Variants in MKLN1 observed in about 807,000 individuals in gnomAD.
The protein encoded by MKLN1 is muskelin 1, also known as muskelin.
A neutral mutation model predicts 99.0 loss-of-function variants in MKLN1; 18 were observed. The observed-to-expected ratio is 0.18, with a 90% CI of 0.13 to 0.27. The LOEUF is 0.27. Ranked by LOEUF, MKLN1 falls within the 10% of genes least tolerant of loss-of-function variation. The probability of loss-of-function intolerance (pLI) is 1.00; values close to 1 mark genes in which losing one functional copy is unlikely to be tolerated. For missense variants in MKLN1, 621 were observed against 875.9 expected, an observed-to-expected ratio of 0.71 and a Z score of 3.67; for synonymous variants, 288 against 293.2, an observed-to-expected ratio of 0.98 and a Z score of 0.18.
At chr7:131,178,713 C>T (rs901388034) in intron 2 of MKLN1, among the ~76,000 whole-genome samples, 1 of 152,124 alleles carries the variant, frequency 6.6e-6, no homozygotes, top group African/African-American at 2.4e-5. Context: ...TGGCAATCAG[C>T]TTTCTCAGGT....
chr7:131,399,109 G>T (rs1009852391), intron 5 of MKLN1, 132 bp from the exon 6 acceptor site: 9 of 738,438 alleles, frequency 1.2e-5, no homozygotes, highest in Non-Finnish European at 2.0e-5. Context: ...AATGAATCAG[G>T]TTAGTAAACT....
chr7:131,237,341 A>C (rs541967537), intron 3 of MKLN1, among the ~76,000 whole-genome samples: 1 of 152,346 alleles, frequency 6.6e-6, no homozygotes, highest in African/African-American at 2.4e-5. Context: ...TTCCTGCTTT[A>C]GACTTAAAGC....
At chr7:131,130,930 G>A (rs1795539718) in intron 1 of MKLN1, among the ~76,000 whole-genome samples, 1 of 150,906 alleles carries the variant, frequency 6.6e-6, no homozygotes, top group South Asian at 2.1e-4. Flanking sequence ...CATGCAAGTA[G>A]CCTCCCAGCT....
chr7:131,246,332 A>G lies in MKLN1; in HGVS notation c.-179+43358A>G, dbSNP rs543952129. Reference sequence around the variant, plus strand: ...CTTTCTTGTGTCTTCACCCCCAGCCAGGGGTGTTAAAATGAGAAGATTCGG... The same window carrying G: ...CTTTCTTGTGTCTTCACCCCCAGCCGGGGGTGTTAAAATGAGAAGATTCGG... On this transcript the variant is annotated intron_variant, in intron 3 of 7. Transcript: ENST00000416992. Among the ~76,000 whole-genome samples the G allele has an allele frequency of 7.9e-5, 12 of 152,324 alleles. No homozygotes were observed. In the South Asian group the frequency reaches 2.5e-3, roughly 32 times the overall value.
At chr7:131,164,333 T>C (rs964545314) in intron 2 of MKLN1, among the ~76,000 whole-genome samples, 26 of 152,178 alleles carry the variant, frequency 1.7e-4, no homozygotes, top group African/African-American at 6.3e-4. Flanking sequence ...CAGGCTGGTC[T>C]CAAAACCTTG....
intron 17 of MKLN1, among the ~76,000 whole-genome samples, chr7:131,480,158 C>T (rs1797083523): frequency 6.6e-6 from 1 of 151,264 alleles, no homozygotes; most frequent in Non-Finnish European, 1.5e-5. Flanking sequence ...CCAAGATAAT[C>T]GTCTTGAAGT....
At chr7:131,220,678 A>T (rs992134583) in intron 3 of MKLN1, among the ~76,000 whole-genome samples, 1 of 152,132 alleles carries the variant, frequency 6.6e-6, no homozygotes, top group African/African-American at 2.4e-5. Context: ...GCTCATGCTG[A>T]TCCTCTTCCT....
chr7:131,349,053 A>G (rs73488964), intron 1 of MKLN1, among the ~76,000 whole-genome samples: 10,533 of 152,280 alleles, frequency 0.069, 437 homozygotes, highest in East Asian at 0.19. Context: ...TCCACATGTT[A>G]TAGTTCATAT....
At chr7:131,289,080 C>A (rs1315927043) in intron 3 of MKLN1, among the ~76,000 whole-genome samples, 1 of 152,184 alleles carries the variant, frequency 6.6e-6, no homozygotes, top group East Asian at 1.9e-4. Context: ...CCACCTCAGC[C>A]TCCCAAAGTG....
At chr7:131,408,191 T>G (rs1338555721) in intron 6 of MKLN1, among the ~76,000 whole-genome samples, 1 of 152,112 alleles carries the variant, frequency 6.6e-6, no homozygotes, top group Non-Finnish European at 1.5e-5. Context: ...AAATCCATAC[T>G]CTCTATCTCT....
At chr7:131,307,767 C>A (rs1267330580) in intron 3 of MKLN1, among the ~76,000 whole-genome samples, 1 of 152,208 alleles carries the variant, frequency 6.6e-6, no homozygotes, top group East Asian at 1.9e-4. Context: ...TTTTATTTTA[C>A]AGGCTCCTAG....
chr7:131,253,403 G>T (rs1001749779), intron 3 of MKLN1, among the ~76,000 whole-genome samples: 11 of 152,152 alleles, frequency 7.2e-5, no homozygotes, highest in African/African-American at 2.2e-4. Flanking sequence ...CTAAGTCCTA[G>T]GCAAGTGCAG....
chr7:131,330,943 C>CT (rs1186658244), intron 1 of MKLN1, among the ~76,000 whole-genome samples: 1 of 152,046 alleles, frequency 6.6e-6, no homozygotes, highest in Non-Finnish European at 1.5e-5. Context: ...CTGTATTTTA[C>CT]TTTTTTTCTG....
chr7:131,157,118 G>A (rs775671363), intron 2 of MKLN1, among the ~76,000 whole-genome samples: 7 of 152,274 alleles, frequency 4.6e-5, no homozygotes, highest in Admixed American at 1.3e-4. Flanking sequence ...GATGGCTTAC[G>A]CCTGTAATCC....
chr7:131,366,644 T>C (rs1429429496), intron 1 of MKLN1, among the ~76,000 whole-genome samples: 1 of 152,084 alleles, frequency 6.6e-6, no homozygotes, highest in Non-Finnish European at 1.5e-5. Flanking sequence ...AATCCCCGTC[T>C]CTACTAAAAA....
intron 3 of MKLN1, among the ~76,000 whole-genome samples, chr7:131,294,431 T>G (rs1312127334): frequency 6.6e-6 from 1 of 152,238 alleles, no homozygotes; most frequent in Non-Finnish European, 1.5e-5. Flanking sequence ...GCACATTCCT[T>G]GTACTATTCT....
intron 1 of MKLN1, among the ~76,000 whole-genome samples, chr7:131,126,943 T>A (rs904058530): frequency 1.3e-5 from 2 of 152,022 alleles, no homozygotes; most frequent in African/African-American, 4.8e-5. Context: ...AGGTGGGCAG[T>A]TCACCTAAGG....
At chr7:131,127,652 T>G (rs1219609935) in intron 1 of MKLN1, among the ~76,000 whole-genome samples, 1 of 152,192 alleles carries the variant, frequency 6.6e-6, no homozygotes, top group Non-Finnish European at 1.5e-5. Context: ...CAGATGGGAA[T>G]GGCTTGCCCT....
At chr7:131,457,708 G>C (rs536376178) in intron 12 of MKLN1, among the ~76,000 whole-genome samples, 1 of 152,262 alleles carries the variant, frequency 6.6e-6, no homozygotes, top group South Asian at 2.1e-4. Flanking sequence ...CTGAGGTCAG[G>C]AGTTCAAGAC....
Sources: allele counts gnomAD v4.1 joint callset (sites outside exome capture counted in the v4.1 genomes callset), GRCh38; gene constraint gnomAD v4.1.1; transcripts MANE v1.5; gene names NCBI Gene and HGNC (gene_info 2026-07-23, HGNC 2026-07-21).